The following FER1L6 variants were observed in gnomAD, a reference collection of about 807,000 sequenced individuals.
FER1L6 encodes the protein fer-1-like protein 6.
Under a neutral mutation model 219.2 loss-of-function variants are expected in FER1L6, and 177 were observed. That is an observed-to-expected ratio of 0.81 (90% confidence interval 0.71 to 0.91). The LOEUF is 0.91. FER1L6 is among the 40% of genes least tolerant of loss of function. The pLI is 0.00. For missense variants in FER1L6, 2,153 were observed against 2,259.9 expected (o/e 0.95, Z 0.96); for synonymous variants, 768 against 824.3 (o/e 0.93, Z 1.17).
chr8:123,964,208 C>T (rs1207400932), intron 3 of FER1L6, among the ~76,000 whole-genome samples: 5 of 152,194 alleles, frequency 3.3e-5, no homozygotes, highest in African/African-American at 7.2e-5. Flanking sequence ...CTAAAAGTTA[C>T]GGGGCAACAA....
At chr8:123,884,196 C>T (rs1377966940) in intron 1 of FER1L6, among the ~76,000 whole-genome samples, 4 of 152,212 alleles carry the variant, frequency 2.6e-5, no homozygotes, top group Admixed American at 1.3e-4. Context: ...TGTGCTGCCC[C>T]AGAGTTGAGT....
chr8:124,045,126 A>G (rs996785192), intron 20 of FER1L6, among the ~76,000 whole-genome samples: 4 of 152,264 alleles, frequency 2.6e-5, no homozygotes, highest in South Asian at 2.1e-4. Context: ...ACCCAACTTC[A>G]GGATATTTGA....
intron 11 of FER1L6, among the ~76,000 whole-genome samples, chr8:123,981,696 C>T (rs1340181664): frequency 6.6e-6 from 1 of 152,036 alleles, no homozygotes; most frequent in Admixed American, 6.6e-5. Flanking sequence ...TCTTAAGAAA[C>T]CGTGTAGGGG....
intron 33 of FER1L6, among the ~76,000 whole-genome samples, chr8:124,085,819 T>G (rs1486896611): frequency 6.6e-6 from 1 of 152,180 alleles, no homozygotes; most frequent in Non-Finnish European, 1.5e-5. Context: ...GAAAATTGGG[T>G]GTTGAAATCT....
chr8:123,924,540 A>C (rs554821747), intron 1 of FER1L6, among the ~76,000 whole-genome samples: 3 of 140,430 alleles, frequency 2.1e-5, no homozygotes, highest in Non-Finnish European at 4.6e-5. Context: ...ATCTCAAAAA[A>C]AAAAAAATAA....
At chr8:124,028,183 A>G (rs888339952) in intron 18 of FER1L6, among the ~76,000 whole-genome samples, 3 of 152,214 alleles carry the variant, frequency 2.0e-5, no homozygotes, top group African/African-American at 7.2e-5. Context: ...GCCCTGGAGC[A>G]TTCATCATCT....
rs749937493 is a variant in FER1L6 at position 124,017,672 on chromosome 8, A to G, written c.1967A>G (p.Gln656Arg). Residue 656 changes from glutamine (Q) to arginine (R), a missense_variant, in exon 16 of 41, where the codon CAA becomes CGA. Transcript: ENST00000522917. ...EAEKKPKMLN[Q>R]TTLDKKRLTL... ...GAAAAAAAGCCCAAGATGTTGAACC[A>G]AACCACTTTAGATAAGAAGCGACTT... 6.2e-7 allele frequency: 1 copy of G among 1,613,902 alleles called. No homozygotes were observed. Among genetic ancestry groups the G allele is most frequent in the Admixed American group, 1.7e-5 (1 of 60,016 alleles).
chr8:123,977,591 G>C lies in FER1L6; in HGVS notation c.1045G>C (p.Glu349Gln). Residue 349 changes from glutamate to glutamine, a missense_variant, in exon 10 of 41, where the codon GAA (glutamate) becomes CAA (glutamine). Transcript: ENST00000522917. ...HFIDLKKISNEQDGDKGFLPT... is the reference protein window; with the variant it reads ...HFIDLKKISNQQDGDKGFLPT... ...CATTGACCTGAAGAAAATCTCCAAC[G>C]AACAGGATGGAGACAAAGGTAAAGT... The C allele has an allele frequency of 2.5e-6, 4 of 1,613,936 alleles. No homozygotes were observed. Among genetic ancestry groups the C allele is most frequent in the Non-Finnish European group, 3.4e-6 (4 of 1,179,918 alleles).
At chr8:123,923,960 AAAGT>A in intron 1 of FER1L6, among the ~76,000 whole-genome samples, 1 of 149,616 alleles carries the variant, frequency 6.7e-6, no homozygotes, top group African/African-American at 2.5e-5. Flanking sequence ...AAAAAAAAAA[AAAGT>A]GAAAATCTGG....
At chr8:124,024,620 T>C (rs1019121161) in intron 18 of FER1L6, among the ~76,000 whole-genome samples, 2 of 152,232 alleles carry the variant, frequency 1.3e-5, no homozygotes, top group African/African-American at 2.4e-5. Context: ...TGGACACTTA[T>C]GTTGTTGATT....
At chr8:124,107,619 C>T (rs1822835253) in intron 39 of FER1L6, among the ~76,000 whole-genome samples, 1 of 152,156 alleles carries the variant, frequency 6.6e-6, no homozygotes, top group African/African-American at 2.4e-5. Flanking sequence ...CTTGCCTTGC[C>T]AGAGCCTAGG....
chr8:123,970,167 G>T lies in FER1L6; in HGVS notation c.447+70G>T, dbSNP rs1815736091. 6 of 1,357,370 alleles carry T rather than the reference G, an allele frequency of 4.4e-6. No homozygotes were observed. The East Asian group carries it at 6.9e-5, about 16-fold the overall frequency. 84.1% of individuals were successfully genotyped at this position (1,357,370 alleles called of 1,614,324 possible). ...ATTTTGGGCATTGGGGACTCTCTGG[G>T]ACAACTCAGCATACTTAGCGGGGAA... On this transcript the variant is annotated intron_variant, in intron 6 of 40. Transcript: ENST00000522917.
chr8:123,926,964 G>A lies in FER1L6; in HGVS notation c.-7-29028G>A, dbSNP rs140796674. The stretch of plus-strand genomic sequence containing the variant: ...GACTCCAAAGATTTGGGGTAAAAGA[G>A]GTGGGCTTGTAATACATATGATTTA... On this transcript the variant is annotated intron_variant, in intron 1 of 40. Transcript: ENST00000522917. Among the ~76,000 whole-genome samples, 638 of 152,204 alleles carry A rather than the reference G, an allele frequency of 4.2e-3. 5 individuals carry two copies. The highest frequency in any genetic ancestry group is 0.014 in the African/African-American group (594 of 41,538).
intron 1 of FER1L6, among the ~76,000 whole-genome samples, chr8:123,861,420 C>T (rs1198953259): frequency 6.7e-6 from 1 of 149,276 alleles, no homozygotes; most frequent in Non-Finnish European, 1.5e-5. Context: ...TGGTGTGATG[C>T]CTCCAGCTTT....
intron 1 of FER1L6, among the ~76,000 whole-genome samples, chr8:123,898,154 A>T (rs1268660556): frequency 1.3e-5 from 2 of 152,178 alleles, no homozygotes; most frequent in East Asian, 3.8e-4. Context: ...ATCAGTTATT[A>T]TATATGTTTT....
intron 18 of FER1L6, 54 bp from the exon 19 acceptor site, chr8:124,035,223 G>A: frequency 6.4e-7 from 1 of 1,559,354 alleles, no homozygotes; most frequent in Non-Finnish European, 8.7e-7. Context: ...CAAAAGGGGA[G>A]GCCTATAATT....
Position 123,975,015 on chromosome 8 carries a change from G to GA in FER1L6, c.527-129dup, listed in dbSNP as rs143036173. 603 of 740,918 alleles carry GA rather than the reference G, an allele frequency of 8.1e-4. 2 individuals are homozygous for GA. In the African/African-American group the frequency reaches 8.9e-3, roughly 11 times the overall value. 45.9% of individuals were successfully genotyped at this position (740,918 alleles called of 1,614,324 possible). A position where few individuals can be genotyped will look rare whatever the true frequency, so the allele number is the denominator to read the frequency against. ...GAAGAGGGAAGCAGCATGAGGTTTG[G>GA]AAAAAACTGAGATGATTTACCACCT... On this transcript the variant is annotated intron_variant, in intron 7 of 40. Transcript: ENST00000522917.
At position 123,945,234 on chromosome 8, in the gene FER1L6, T is replaced by C. The variant is rs544943646; in HGVS notation, c.-7-10758T>C. On this transcript the variant is annotated intron_variant, in intron 1 of 40. Transcript: ENST00000522917. ...GACTTAATACATCTTGACCCTGAGC[T>C]GAGGCTGAAATCCCGAGGATAGTGA... Among the ~76,000 whole-genome samples the C allele has an allele frequency of 1.1e-4, 17 of 152,322 alleles. No individual in the cohort carries two copies. The South Asian group carries it at 2.7e-3, about 24-fold the overall frequency.
At chr8:123,865,265 T>TG (rs1391442278) in intron 1 of FER1L6, among the ~76,000 whole-genome samples, 2 of 149,908 alleles carry the variant, frequency 1.3e-5, no homozygotes, top group East Asian at 1.9e-4. Context: ...GTGCCCCTGC[T>TG]GGGGGGTGCC....
Sources: gnomAD v4.1 joint callset for allele counts (sites outside exome capture counted in the v4.1 genomes callset) on GRCh38, gnomAD v4.1.1 for gene constraint, MANE v1.5 for transcripts, NCBI Gene and HGNC (gene_info 2026-07-23, HGNC 2026-07-21) for gene names.